Variants in RASGRF2 observed in about 807,000 individuals in gnomAD.
The protein encoded by RASGRF2 is ras-specific guanine nucleotide-releasing factor 2.
In RASGRF2, 76 loss-of-function variants were observed where a neutral mutation model predicts 151.0. The ratio of observed to expected loss-of-function variants is 0.50; its 90% CI spans 0.42 to 0.61. The LOEUF is 0.61. Ranked by LOEUF, RASGRF2 falls within the 20% of genes least tolerant of loss-of-function variation. The pLI is 0.00. For missense variants in RASGRF2, 1,148 were observed against 1,564.6 expected (o/e 0.73, Z 4.49); for synonymous variants, 504 against 566.5 (o/e 0.89, Z 1.57).
intron 12 of RASGRF2, among the ~76,000 whole-genome samples, chr5:81,106,118 C>T (rs535095028): frequency 5.3e-5 from 8 of 152,166 alleles, no homozygotes; most frequent in East Asian, 3.9e-4. Context: ...CTGGGTGATT[C>T]GAAAGACATT....
chr5:80,988,057 T>TAG (rs1748534068), intron 1 of RASGRF2, among the ~76,000 whole-genome samples: 4 of 149,416 alleles, frequency 2.7e-5, no homozygotes, highest in Non-Finnish European at 6.0e-5. Context: ...GTGTGTAGTC[T>TAG]TCTTCTTCTT....
chr5:81,025,649 G>T (rs1174202824), intron 1 of RASGRF2, among the ~76,000 whole-genome samples: 1 of 152,160 alleles, frequency 6.6e-6, no homozygotes, highest in East Asian at 1.9e-4. Flanking sequence ...ATGGCCATTG[G>T]TTTCTGTTTG....
At chr5:81,002,486 C>G (rs950090056) in intron 1 of RASGRF2, among the ~76,000 whole-genome samples, 33 of 152,212 alleles carry the variant, frequency 2.2e-4, no homozygotes, top group African/African-American at 7.2e-4. Flanking sequence ...TTTGTGGCAA[C>G]CTGTCCATTT....
intron 26 of RASGRF2, among the ~76,000 whole-genome samples, chr5:81,221,322 G>T (rs1755852445): frequency 6.6e-6 from 1 of 152,054 alleles, no homozygotes; most frequent in South Asian, 2.1e-4. Context: ...GAATTCTTCT[G>T]CTCAAGAGAT....
intron 17 of RASGRF2, among the ~76,000 whole-genome samples, chr5:81,146,364 C>T (rs902842608): frequency 6.6e-6 from 1 of 152,066 alleles, no homozygotes; most frequent in African/African-American, 2.4e-5. Context: ...TGAAGCTGGC[C>T]TATGTGACAC....
At chr5:81,136,202 T>C (rs1045346235) in intron 17 of RASGRF2, among the ~76,000 whole-genome samples, 2 of 152,104 alleles carry the variant, frequency 1.3e-5, no homozygotes, top group South Asian at 2.1e-4. Flanking sequence ...AACAAAAGAT[T>C]TTCCTTTATC....
chr5:80,996,709 C>A (rs1308895637), intron 1 of RASGRF2, among the ~76,000 whole-genome samples: 2 of 150,488 alleles, frequency 1.3e-5, no homozygotes, highest in Non-Finnish European at 3.0e-5. Context: ...AAGTGATTCT[C>A]ATGCCTCAGG....
At chr5:81,208,149 T>G (rs902296398) in intron 21 of RASGRF2, among the ~76,000 whole-genome samples, 2 of 152,218 alleles carry the variant, frequency 1.3e-5, no homozygotes, top group African/African-American at 4.8e-5. Context: ...AGCTGGAAGC[T>G]GAAGAATCTT....
intron 17 of RASGRF2, among the ~76,000 whole-genome samples, chr5:81,146,030 T>A (rs1445875034): frequency 6.6e-6 from 1 of 152,204 alleles, no homozygotes; most frequent in Non-Finnish European, 1.5e-5. Context: ...CACAGCACCC[T>A]GGGCTTATAC....
In RASGRF2 at chr5:81,085,903, A is replaced by G; in HGVS notation, c.1263A>G (p.Glu421=). 1 of 1,614,096 alleles carries G rather than the reference A, an allele frequency of 6.2e-7. No individual in the cohort carries two copies. The highest frequency in any genetic ancestry group is 8.5e-7 in the Non-Finnish European group (1 of 1,179,980). Residue 421 remains glutamate, a synonymous_variant, in exon 8 of 27, where the codon GAA becomes GAG. Transcript: ENST00000265080. ...AGTTTGCCAAATCAAAGCTAGAGGA[A>G]CTATCCAGGTATGCCAAGAACTTAT... The part of the protein sequence containing the change: ...SLEFAKSKLE[E]LSRVMHDEVS...
intron 18 of RASGRF2, among the ~76,000 whole-genome samples, chr5:81,193,449 G>A (rs1755192567): frequency 6.6e-6 from 1 of 152,156 alleles, no homozygotes; most frequent in Admixed American, 6.5e-5. Context: ...GCAACTGTTT[G>A]ACATTTCAGC....
rs375676906 is a variant in RASGRF2, at chr5:81,186,964, C to T, written c.2793+6683C>T. ...AAAATGGGGATTAATGCCACTTTTT[C>T]CTCTGTGGGAGGGTGAGGATTATGT... On this transcript the variant is annotated intron_variant, in intron 18 of 26. Coordinates refer to ENST00000265080, the MANE Select transcript of RASGRF2 (RefSeq NM_006909.3). Among the ~76,000 whole-genome samples, 393 of 152,296 alleles carry T rather than the reference C, an allele frequency of 2.6e-3. 1 individual carries two copies. Among genetic ancestry groups the T allele is most frequent in the African/African-American group, 9.1e-3 (379 of 41,568 alleles).
chr5:81,006,710 C>T (rs73125087), intron 1 of RASGRF2, among the ~76,000 whole-genome samples: 2,548 of 152,276 alleles, frequency 0.017, 86 homozygotes, highest in African/African-American at 0.058. Flanking sequence ...CCCACTTCTC[C>T]GTCTGCCCCA....
intron 15 of RASGRF2, among the ~76,000 whole-genome samples, chr5:81,115,035 C>G (rs895597039): frequency 6.6e-6 from 1 of 152,142 alleles, no homozygotes; most frequent in Non-Finnish European, 1.5e-5. Context: ...AAATTACAAA[C>G]AGCTTTTAAA....
chr5:81,023,705 T>C (rs1749909264), intron 1 of RASGRF2, among the ~76,000 whole-genome samples: 1 of 152,252 alleles, frequency 6.6e-6, no homozygotes, highest in African/African-American at 2.4e-5. Context: ...CCTTGCTGTC[T>C]TTTAAAGGCT....
At chr5:81,090,465 A>G (rs1752358399) in intron 9 of RASGRF2, among the ~76,000 whole-genome samples, 1 of 152,250 alleles carries the variant, frequency 6.6e-6, no homozygotes, top group Admixed American at 6.5e-5. Context: ...TTCATATCTC[A>G]TAGCTGTATT....
chr5:81,157,825 G>A (rs913084753), intron 17 of RASGRF2, among the ~76,000 whole-genome samples: 4 of 152,096 alleles, frequency 2.6e-5, no homozygotes, highest in African/African-American at 4.8e-5. Context: ...GGGGAAAACC[G>A]CCCCTGTGAT....
chr5:80,998,204 T>C (rs1276976395), intron 1 of RASGRF2, among the ~76,000 whole-genome samples: 1 of 152,144 alleles, frequency 6.6e-6, no homozygotes, highest in Admixed American at 6.5e-5. Flanking sequence ...TGGAGTAACC[T>C]TCTCCCATTG....
Position 81,165,800 on chromosome 5 carries a change from C to T in RASGRF2, c.2687-14375C>T, listed in dbSNP as rs995209407. Among the ~76,000 whole-genome samples the T allele has an allele frequency of 5.5e-4, 84 of 152,076 alleles. 1 individual carries two copies. Among genetic ancestry groups the T allele is most frequent in the African/African-American group, 2.0e-3 (81 of 41,478 alleles). ...ACTCTCTTCATGGCCACTTCTGGGGCCAGTGTAGATCTCTGCCAACTAGCC... is the reference window on the plus strand; with the variant it reads ...ACTCTCTTCATGGCCACTTCTGGGGTCAGTGTAGATCTCTGCCAACTAGCC... On this transcript the variant is annotated intron_variant, in intron 17 of 26. Transcript: ENST00000265080.
Sources: gnomAD v4.1 joint callset for allele counts (sites outside exome capture counted in the v4.1 genomes callset) on GRCh38, gnomAD v4.1.1 for gene constraint, MANE v1.5 for transcripts, NCBI Gene and HGNC (gene_info 2026-07-23, HGNC 2026-07-21) for gene names.